Variants in ZBTB25 observed in about 807,000 individuals in gnomAD.
ZBTB25 encodes the protein zinc finger and BTB domain-containing protein 25.
Under a neutral mutation model 34.2 loss-of-function variants are expected in ZBTB25, and 20 were observed. The observed-to-expected ratio is 0.58, with a 90% CI of 0.41 to 0.85. ZBTB25 has a LOEUF of 0.85. Among genes scored for constraint, ZBTB25 ranks in the 40% least tolerant of loss-of-function variants. The pLI is 0.00. For missense variants in ZBTB25, 437 were observed against 521.8 expected (o/e 0.84, Z 1.58); for synonymous variants, 175 against 186.4 (o/e 0.94, Z 0.50).
chr14:64,490,903 T>A (rs2079053810), intron 1 of ZBTB25, among the ~76,000 whole-genome samples: 1 of 152,238 alleles, frequency 6.6e-6, no homozygotes, highest in South Asian at 2.1e-4. Context: ...GAGATACTGA[T>A]TCCTGCCTCA....
chr14:64,491,941 A>AT (rs2079094349), intron 1 of ZBTB25, among the ~76,000 whole-genome samples: 1 of 152,008 alleles, frequency 6.6e-6, no homozygotes, highest in Non-Finnish European at 1.5e-5. Context: ...TATAGCTAAC[A>AT]TTTTATAGTG....
chr14:64,454,886 G>T lies in ZBTB25; in HGVS notation c.174-5248C>A. ...CCCTTAGTAGGAACGGTAAGTGCATGCTGCAAGGGAGTAGTGGGCGCATCT... is the reference window on the plus strand; with the variant it reads ...CCCTTAGTAGGAACGGTAAGTGCATTCTGCAAGGGAGTAGTGGGCGCATCT... On this transcript the variant is annotated intron_variant, in intron 2 of 2. Coordinates refer to the ZBTB25 transcript ENST00000555220. 6.2e-7 allele frequency: 1 copy of T among 1,613,996 alleles called. No individual in the cohort carries two copies. Among genetic ancestry groups the T allele is most frequent in the Non-Finnish European group, 8.5e-7 (1 of 1,179,838 alleles).
At chr14:64,500,034 T>A (rs1191829155) in intron 1 of ZBTB25, among the ~76,000 whole-genome samples, 1 of 151,934 alleles carries the variant, frequency 6.6e-6, no homozygotes, top group South Asian at 2.1e-4. Flanking sequence ...ACAAGAATAC[T>A]AACAACAGTA....
rs1363279866 is a variant in ZBTB25, at chr14:64,455,490, G to A, written c.174-5852C>T. On this transcript the variant is annotated intron_variant, in intron 2 of 2. Coordinates refer to the ZBTB25 transcript ENST00000555220. ...ATTGCCAGTTGGGAAGCAGAGGGGA[G>A]GGATGCTTAAGGACATAATCATAGT... Among the ~76,000 whole-genome samples, 3 of 152,172 alleles carry A rather than the reference G, an allele frequency of 2.0e-5. No individual in the cohort carries two copies. The East Asian group carries it at 5.8e-4, about 29-fold the overall frequency.
At chr14:64,491,516 C>T (rs182828253) in intron 1 of ZBTB25, among the ~76,000 whole-genome samples, 1 of 152,108 alleles carries the variant, frequency 6.6e-6, no homozygotes, top group East Asian at 1.9e-4. Context: ...TGGATTCAGA[C>T]GCATATTATA....
chr14:64,478,093 A>G lies in ZBTB25; in HGVS notation c.*8830T>C, dbSNP rs1204648586. ...TTTATTATTTTGATACAATATCACC[A>G]AATTGTTTCAATGAAAAACGTTTCA... On this transcript the variant is annotated 3_prime_UTR_variant, in exon 3 of 3. Coordinates refer to ENST00000608382, the MANE Select transcript of ZBTB25 (RefSeq NM_006977.5). The G allele has an allele frequency of 6.6e-6, 1 of 152,262 alleles. No homozygotes were observed. The highest frequency in any genetic ancestry group is 1.5e-5 in the Non-Finnish European group (1 of 68,048). 9.4% of individuals were successfully genotyped at this position (152,262 alleles called of 1,614,324 possible). A position where few individuals can be genotyped will look rare whatever the true frequency, so the allele number is the denominator to read the frequency against.
chr14:64,489,624 C>T (rs1279968866), intron 2 of ZBTB25, among the ~76,000 whole-genome samples: 1 of 151,486 alleles, frequency 6.6e-6, no homozygotes, highest in African/African-American at 2.4e-5. Context: ...CAACCTTCAC[C>T]TCATAGGTAC....
chr14:64,455,176 C>A (rs1179527633), intron 2 of ZBTB25: 3 of 403,970 alleles, frequency 7.4e-6, no homozygotes, highest in Non-Finnish European at 1.4e-5. Flanking sequence ...AGTTGATAGG[C>A]TGGGGTAGTG....
rs1304403835 is a variant in ZBTB25 at position 64,480,527 on chromosome 14, G to A, written c.*6396C>T. On this transcript the variant is annotated 3_prime_UTR_variant, in exon 3 of 3. Coordinates refer to ENST00000608382, the MANE Select transcript of ZBTB25 (RefSeq NM_006977.5). Reference sequence around the variant, plus strand: ...CCTCCAAAATGTTACCCAGTACAAAGACTACTTGCCTCAACACTAGGAACA... The same window carrying A: ...CCTCCAAAATGTTACCCAGTACAAAAACTACTTGCCTCAACACTAGGAACA... 4 of 258,466 alleles carry A rather than the reference G, an allele frequency of 1.5e-5. No homozygotes were observed. In the Admixed American group the frequency reaches 2.1e-4, roughly 13 times the overall value. 16.0% of individuals were successfully genotyped at this position (258,466 alleles called of 1,614,324 possible).
At chr14:64,475,929 G>T (rs2141009349), downstream of ZBTB25, among the ~76,000 whole-genome samples, 1 of 152,252 alleles carries the variant, frequency 6.6e-6, no homozygotes, top group Middle Eastern at 3.4e-3. Flanking sequence ...AGAACTTTTG[G>T]CCTTGATATG....
At chr14:64,471,628 T>C (rs894183641) in intron 2 of ZBTB25, 1 of 167,062 alleles carries the variant, frequency 6.0e-6, no homozygotes, top group Non-Finnish European at 1.5e-5. Flanking sequence ...CAGAGTGCAC[T>C]TCCCTACCTC....
intron 2 of ZBTB25, chr14:64,468,349 G>A: frequency 6.6e-7 from 1 of 1,510,828 alleles, no homozygotes; most frequent in East Asian, 2.3e-5. Context: ...AGGCTGCTAA[G>A]GAAGAGAGAA....
rs148623705 is a variant in ZBTB25, at chr14:64,464,251, A to C, written c.174-14613T>G. Among the ~76,000 whole-genome samples the C allele has an allele frequency of 7.5e-3, 1,072 of 141,994 alleles. 16 individuals are homozygous for C. Among genetic ancestry groups the C allele is most frequent in the African/African-American group, 0.025 (1,003 of 40,434 alleles). The allele number at this position is 141,994 out of a possible 152,430, so 93.2% of individuals were successfully genotyped here. On this transcript the variant is annotated intron_variant, in intron 2 of 2. Transcript: ENST00000555220. ...TCCCTATGTTGCCCAGGCTGGTCTC[A>C]AACTCTTGGACTCAAGCCATCCTCC...
intron 1 of ZBTB25, among the ~76,000 whole-genome samples, chr14:64,494,093 T>C (rs2079182439): frequency 6.6e-6 from 1 of 151,658 alleles, no homozygotes; most frequent in Admixed American, 6.6e-5. Context: ...AAGCTAAGAA[T>C]GAATCTTTGG....
Position 64,487,232 on chromosome 14 carries a change from C to A in ZBTB25, c.999G>T (p.Glu333Asp). Reference sequence around the variant, plus strand: ...AAAAATTACAGTTTAATTCTACTGGCTCTGTGTCTTTGGAGATCAAAGATA... The same window carrying A: ...AAAAATTACAGTTTAATTCTACTGGATCTGTGTCTTTGGAGATCAAAGATA... ...SQVSLISKDTEPVELNCNFSF... is the reference protein window; with the variant it reads ...SQVSLISKDTDPVELNCNFSF... The change falls in exon 3 of 3, where the codon GAG (glutamate) becomes GAT (aspartate). Residue 333 changes from glutamate (E) to aspartate (D), a missense_variant. Coordinates refer to ENST00000608382, the MANE Select transcript of ZBTB25 (RefSeq NM_006977.5). The A allele has an allele frequency of 6.2e-7, 1 of 1,614,102 alleles. No individual in the cohort carries two copies. The highest frequency in any genetic ancestry group is 8.5e-7 in the Non-Finnish European group (1 of 1,180,034).
Position 64,503,684 on chromosome 14 carries a change from C to A in ZBTB25, c.-31G>T, listed in dbSNP as rs2079575099. The A allele has an allele frequency of 2.3e-6, 2 of 859,752 alleles. No individual in the cohort carries two copies. 53.3% of individuals were successfully genotyped at this position (859,752 alleles called of 1,614,324 possible). A position where few individuals can be genotyped will look rare whatever the true frequency, so the allele number is the denominator to read the frequency against. On this transcript the variant is annotated 5_prime_UTR_variant, in exon 1 of 3. Coordinates refer to ENST00000608382, the MANE Select transcript of ZBTB25 (RefSeq NM_006977.5). Reference sequence around the variant, plus strand: ...ACCCAGATGCCGCCGCGGCGGCAGGCCGACTCCTCCGTGCAGGAGGGGCGG... The same window carrying A: ...ACCCAGATGCCGCCGCGGCGGCAGGACGACTCCTCCGTGCAGGAGGGGCGG...
At chr14:64,466,981 C>CAA (rs544249228) in intron 2 of ZBTB25, 1 of 151,796 alleles carries the variant, frequency 6.6e-6, no homozygotes, top group Non-Finnish European at 1.5e-5. Flanking sequence ...GTTCCTGAAC[C>CAA]AAAAAAATAA....
chr14:64,500,876 C>A (rs1447092713), intron 1 of ZBTB25, among the ~76,000 whole-genome samples: 1 of 152,100 alleles, frequency 6.6e-6, no homozygotes, highest in Admixed American at 6.5e-5. Context: ...CATGGCGAAA[C>A]CCTGTCTCTA....
chr14:64,454,600 G>T, intron 2 of ZBTB25: 2 of 758,530 alleles, frequency 2.6e-6, no homozygotes, highest in South Asian at 1.5e-5. Context: ...AGATAGAGAT[G>T]TATATAAAGG....
Sources: allele counts gnomAD v4.1 joint callset (sites outside exome capture counted in the v4.1 genomes callset), GRCh38; gene constraint gnomAD v4.1.1; transcripts MANE v1.5; gene names NCBI Gene and HGNC (gene_info 2026-07-23, HGNC 2026-07-21).